BMPR1A: variants seen among roughly 807,000 people sequenced by gnomAD.
BMPR1A encodes the protein bone morphogenetic protein receptor type 1A, also known as bone morphogenetic protein receptor type-1A.
BMPR1A carries 7 observed loss-of-function variants against 66.0 expected under a neutral mutation model. The ratio of observed to expected loss-of-function variants is 0.11; its 90% confidence interval spans 0.06 to 0.20. BMPR1A has a LOEUF of 0.20. Ranked by LOEUF, BMPR1A falls within the 10% of genes least tolerant of loss-of-function variation. The pLI, the probability that BMPR1A is intolerant of heterozygous loss-of-function variation, is 1.00. For missense variants in BMPR1A, 408 were observed against 669.1 expected (o/e 0.61, Z 4.31); for synonymous variants, 200 against 229.7 (o/e 0.87, Z 1.17).
downstream of BMPR1A, chr10:86,931,298 C>CACACACACACATATATATATATATATAT: frequency 2.5e-3 from 230 of 90,742 alleles, 7 homozygotes; most frequent in African/African-American, 0.015. Flanking sequence ...CACACACACA[C>CACACACACACATATATATATATATATAT]ATATATATAT....
intron 7 of BMPR1A, among the ~76,000 whole-genome samples, chr10:86,901,676 TA>T (rs1843312153): frequency 6.6e-6 from 1 of 152,200 alleles, no homozygotes; most frequent in Non-Finnish European, 1.5e-5. Context: ...AGTGGACTAG[TA>T]AAAGCAAGCA....
At chr10:86,880,447 A>AT (rs1265633046) in intron 3 of BMPR1A, among the ~76,000 whole-genome samples, 1 of 152,108 alleles carries the variant, frequency 6.6e-6, no homozygotes, top group Non-Finnish European at 1.5e-5. Context: ...ATTCATCTTT[A>AT]TTGTCTTTCT....
At chr10:86,855,439 C>G (rs1435851397) in intron 2 of BMPR1A, 5 of 642,398 alleles carry the variant, frequency 7.8e-6, no homozygotes. Flanking sequence ...TTTCTTATGC[C>G]TATTAGAGTT....
chr10:86,912,833 TAGAG>T (rs142084376), intron 8 of BMPR1A, among the ~76,000 whole-genome samples: 9,402 of 152,202 alleles, frequency 0.062, 407 homozygotes, highest in Non-Finnish European at 0.081. Context: ...CAGATATTCT[TAGAG>T]AGGATGCTTC....
intron 1 of BMPR1A, among the ~76,000 whole-genome samples, chr10:86,763,051 A>G (rs1841094733): frequency 1.3e-5 from 2 of 151,978 alleles, no homozygotes; most frequent in Admixed American, 6.6e-5. Context: ...GTGAGCCACC[A>G]CGCCTGGCTA....
intron 5 of BMPR1A, among the ~76,000 whole-genome samples, chr10:86,894,664 C>T (rs1291769529): frequency 1.3e-5 from 2 of 152,102 alleles, no homozygotes; most frequent in Admixed American, 6.5e-5. Flanking sequence ...TGTGAACCTT[C>T]GGACAAGGTG....
intron 1 of BMPR1A, among the ~76,000 whole-genome samples, chr10:86,812,611 C>T (rs1228899309): frequency 1.3e-5 from 2 of 152,188 alleles, no homozygotes; most frequent in Non-Finnish European, 2.9e-5. Flanking sequence ...AAGATACATG[C>T]TTGTTCTCTC....
intron 1 of BMPR1A, among the ~76,000 whole-genome samples, chr10:86,803,916 C>T (rs1185747467): frequency 2.0e-5 from 3 of 152,072 alleles, no homozygotes; most frequent in Non-Finnish European, 2.9e-5. Flanking sequence ...AATAAATTCG[C>T]GTTTCATCTT....
chr10:86,854,417 G>A (rs944213841), intron 2 of BMPR1A, among the ~76,000 whole-genome samples: 1 of 152,182 alleles, frequency 6.6e-6, no homozygotes, highest in Non-Finnish European at 1.5e-5. Context: ...AATCACAAGG[G>A]TATTGATTGA....
In BMPR1A at chr10:86,813,854, T is replaced by C. The variant is rs932391355; in HGVS notation, c.-267-25011T>C. ...AAACTCATTTTCTAGTAGATATCTC[T>C]AGAAGGGCTTATGGGAACAATATTC... On this transcript the variant is annotated intron_variant, in intron 1 of 12. Transcript: ENST00000372037. 5.3e-5 allele frequency among the ~76,000 whole-genome samples: 8 copies of C among 152,220 alleles called. No individual in the cohort carries two copies. The East Asian group carries it at 5.8e-4, about 11-fold the overall frequency.
intron 10 of BMPR1A, among the ~76,000 whole-genome samples, chr10:86,920,854 T>C (rs1339161267): frequency 2.8e-5 from 4 of 144,606 alleles, no homozygotes; most frequent in South Asian, 4.3e-4. Flanking sequence ...TCCTTTTCTT[T>C]TCTTTTTTTT....
chr10:86,799,521 TTTTCTTTTCTTTCTTTTC>T (rs1256015721), intron 1 of BMPR1A, among the ~76,000 whole-genome samples: 3 of 140,842 alleles, frequency 2.1e-5, no homozygotes, highest in African/African-American at 2.8e-5. Flanking sequence ...TTTTCTTTTC[TTTTCTTTTCTTTCTTTTC>T]TTTCTTTCTT....
intron 1 of BMPR1A, among the ~76,000 whole-genome samples, chr10:86,780,952 G>A (rs1186734492): frequency 6.6e-6 from 1 of 151,972 alleles, no homozygotes; most frequent in African/African-American, 2.4e-5. Flanking sequence ...TTGGGCTCAA[G>A]CAATCCTCCC....
intron 1 of BMPR1A, among the ~76,000 whole-genome samples, chr10:86,760,574 A>G (rs1208415992): frequency 1.3e-5 from 2 of 152,084 alleles, no homozygotes; most frequent in African/African-American, 2.4e-5. Context: ...TTTCACTACT[A>G]GTTTGCAGGG....
chr10:86,866,610 A>T (rs1273930198), intron 2 of BMPR1A, among the ~76,000 whole-genome samples: 3 of 150,724 alleles, frequency 2.0e-5, no homozygotes, highest in African/African-American at 7.3e-5. Context: ...GGGTTTTACT[A>T]TGTTGGCCAG....
chr10:86,775,335 C>G (rs1841328990), intron 1 of BMPR1A, among the ~76,000 whole-genome samples: 1 of 152,176 alleles, frequency 6.6e-6, no homozygotes, highest in Non-Finnish European at 1.5e-5. Context: ...GCCTGCTTGT[C>G]AGTTTCTTGT....
At chr10:86,761,596 T>C (rs548237574) in intron 1 of BMPR1A, among the ~76,000 whole-genome samples, 2 of 152,348 alleles carry the variant, frequency 1.3e-5, no homozygotes, top group Admixed American at 6.5e-5. Flanking sequence ...TGTTCCACTA[T>C]TGGAACGCTA....
chr10:86,831,298 TTTATA>T (rs1187298304), intron 1 of BMPR1A, among the ~76,000 whole-genome samples: 3 of 152,196 alleles, frequency 2.0e-5, no homozygotes, highest in African/African-American at 7.2e-5. Flanking sequence ...ATTAACTTAT[TTTATA>T]GTTTTTTTCT....
At chr10:86,829,772 T>A (rs1842243272) in intron 1 of BMPR1A, among the ~76,000 whole-genome samples, 1 of 152,272 alleles carries the variant, frequency 6.6e-6, no homozygotes, top group Non-Finnish European at 1.5e-5. Flanking sequence ...TATTGCTGAA[T>A]AGGATTCCAT....
Sources: allele counts gnomAD v4.1 joint callset (sites outside exome capture counted in the v4.1 genomes callset), GRCh38; gene constraint gnomAD v4.1.1; transcripts MANE v1.5; gene names NCBI Gene and HGNC (gene_info 2026-07-23, HGNC 2026-07-21).